Variants in DOCK9 observed in about 807,000 individuals in gnomAD.
The protein encoded by DOCK9 is dedicator of cytokinesis protein 9.
DOCK9 carries 89 observed loss-of-function variants against 263.3 expected under a neutral mutation model. That is an observed-to-expected ratio of 0.34 (90% CI 0.28 to 0.40). The LOEUF is 0.40. DOCK9 is among the 10% of genes least tolerant of loss of function. The pLI is 1.00. For missense variants in DOCK9, 2,140 were observed against 2,603.4 expected (o/e 0.82, Z 3.87); for synonymous variants, 976 against 973.1 (o/e 1.00, Z -0.06).
rs189444724 is a variant in DOCK9, at chr13:98,908,253, C to T, written c.961-3547G>A. ...GCACAGTAAAATACCATTTTACACT[C>T]GTCTGGTGAAGATGCAGAGAAACAG... On this transcript the variant is annotated intron_variant, in intron 9 of 52. Coordinates refer to ENST00000682017, the MANE Select transcript of DOCK9 (RefSeq NM_001366683.2). Among the ~76,000 whole-genome samples the T allele has an allele frequency of 9.0e-4, 137 of 152,262 alleles. 2 individuals are homozygous for T. Among genetic ancestry groups the T allele is most frequent in the African/African-American group, 3.2e-3 (133 of 41,562 alleles).
intron 1 of DOCK9, among the ~76,000 whole-genome samples, chr13:98,969,463 G>GAAA (rs56102330): frequency 0.028 from 4,161 of 148,988 alleles, 87 homozygotes; most frequent in South Asian, 0.061. Context: ...GCGGGAGAAA[G>GAAA]AAAAAAAAAA....
rs566334262 is a variant in DOCK9 at position 99,073,325 on chromosome 13, T to C, written c.129+12898A>G. Among the ~76,000 whole-genome samples, 3 of 151,288 alleles carry C rather than the reference T, an allele frequency of 2.0e-5. No homozygotes were observed. In the South Asian group the frequency reaches 6.3e-4, roughly 32 times the overall value. ...TCATTCATTCTCTCTCTCTCTCTCT[T>C]CTCTCTCTTCTTTCTCTCCTCTCTT... On this transcript the variant is annotated intron_variant, in intron 1 of 32. Transcript: ENST00000427887.
intron 45 of DOCK9, among the ~76,000 whole-genome samples, chr13:98,818,830 A>ATT (rs1236617099): frequency 6.7e-6 from 1 of 150,364 alleles, no homozygotes; most frequent in Non-Finnish European, 1.5e-5. Context: ...GCACACTAAC[A>ATT]TTGTGTGTGT....
At chr13:98,849,166 CCT>C (rs2093483107) in intron 36 of DOCK9, among the ~76,000 whole-genome samples, 2 of 151,814 alleles carry the variant, frequency 1.3e-5, no homozygotes, top group Non-Finnish European at 2.9e-5. Context: ...CTAGTGAGCT[CCT>C]CTGGTGTTGA....
At chr13:98,916,500 T>C (rs2050910583) in intron 7 of DOCK9, among the ~76,000 whole-genome samples, 1 of 152,134 alleles carries the variant, frequency 6.6e-6, no homozygotes, top group African/African-American at 2.4e-5. Flanking sequence ...TCTCTAAGAG[T>C]TCCTTGGTGG....
At chr13:98,978,345 C>T (rs1875874502), upstream of DOCK9, among the ~76,000 whole-genome samples, 1 of 152,212 alleles carries the variant, frequency 6.6e-6, no homozygotes, top group South Asian at 2.1e-4. Flanking sequence ...GCTTAAGAGA[C>T]AGCAAGGTTG....
At chr13:98,907,474 A>C (rs1274504341) in intron 9 of DOCK9, among the ~76,000 whole-genome samples, 1 of 152,242 alleles carries the variant, frequency 6.6e-6, no homozygotes, top group African/African-American at 2.4e-5. Flanking sequence ...AAGAACAAAT[A>C]GGAATGCAGA....
At chr13:98,923,946 T>G (rs2052501126) in intron 4 of DOCK9, among the ~76,000 whole-genome samples, 1 of 152,148 alleles carries the variant, frequency 6.6e-6, no homozygotes, top group Admixed American at 6.5e-5. Context: ...GAACACAGAA[T>G]CTGTGTTCTT....
intron 1 of DOCK9, among the ~76,000 whole-genome samples, chr13:99,074,900 C>T (rs531227807): frequency 7.2e-5 from 11 of 152,274 alleles, no homozygotes; most frequent in Non-Finnish European, 1.3e-4. Context: ...TGGTGTCACA[C>T]GGTGTTTTAA....
At chr13:98,910,866 C>T (rs1437882599) in intron 9 of DOCK9, among the ~76,000 whole-genome samples, 1 of 151,448 alleles carries the variant, frequency 6.6e-6, no homozygotes, top group African/African-American at 2.4e-5. Context: ...TCTCTCCCCA[C>T]CCCTCCCTCT....
chr13:98,973,915 TTA>T (rs2059978071), intron 1 of DOCK9, among the ~76,000 whole-genome samples: 2 of 152,232 alleles, frequency 1.3e-5, no homozygotes, highest in East Asian at 3.9e-4. Flanking sequence ...AAAAAATACC[TTA>T]TGAGTACACC....
chr13:99,071,826 C>A (rs2041694048), intron 1 of DOCK9, among the ~76,000 whole-genome samples: 1 of 152,190 alleles, frequency 6.6e-6, no homozygotes, highest in South Asian at 2.1e-4. Context: ...AAGTCAAAAG[C>A]ACTCTTGAAT....
intron 2 of DOCK9, among the ~76,000 whole-genome samples, chr13:98,945,415 C>T (rs543548452): frequency 2.0e-5 from 3 of 152,294 alleles, no homozygotes; most frequent in African/African-American, 7.2e-5. Context: ...ACTGACATGT[C>T]CCTTCCCTGA....
intron 2 of DOCK9, among the ~76,000 whole-genome samples, chr13:98,934,898 C>T (rs561585036): frequency 2.6e-5 from 4 of 152,268 alleles, no homozygotes; most frequent in South Asian, 4.2e-4. Context: ...TACTTTCTTC[C>T]GGACACTGAG....
intron 9 of DOCK9, among the ~76,000 whole-genome samples, chr13:98,905,815 A>G (rs1240109820): frequency 1.3e-5 from 2 of 151,718 alleles, no homozygotes; most frequent in African/African-American, 2.4e-5. Context: ...TTCATTCAGA[A>G]TCTAAAATAT....
chr13:99,044,947 A>T (rs1888813255), intron 1 of DOCK9, among the ~76,000 whole-genome samples: 1 of 152,174 alleles, frequency 6.6e-6, no homozygotes, highest in Admixed American at 6.5e-5. Flanking sequence ...TCCAGCCCAT[A>T]GACATATTCA....
intron 1 of DOCK9, among the ~76,000 whole-genome samples, chr13:99,011,986 C>T (rs115102564): frequency 6.6e-6 from 1 of 152,096 alleles, no homozygotes; most frequent in African/African-American, 2.4e-5. Flanking sequence ...CCACGCCCAG[C>T]TAATCTTTGT....
chr13:98,948,813 C>G (rs2057037918), intron 2 of DOCK9, among the ~76,000 whole-genome samples: 1 of 152,024 alleles, frequency 6.6e-6, no homozygotes, highest in Admixed American at 6.6e-5. Flanking sequence ...ATTTGTCCTT[C>G]TGTCACTGGC....
intron 13 of DOCK9, among the ~76,000 whole-genome samples, chr13:98,899,606 GA>G (rs1391504334): frequency 6.6e-6 from 1 of 152,164 alleles, no homozygotes; most frequent in Non-Finnish European, 1.5e-5. Flanking sequence ...TTAGGTGTAT[GA>G]GTTATAGGGT....
Sources: allele counts gnomAD v4.1 joint callset (sites outside exome capture counted in the v4.1 genomes callset), GRCh38; gene constraint gnomAD v4.1.1; transcripts MANE v1.5; gene names NCBI Gene and HGNC (gene_info 2026-07-23, HGNC 2026-07-21).